The following INTS9 variants were observed in gnomAD, a reference collection of about 807,000 sequenced individuals.
The protein encoded by INTS9 is integrator complex subunit 9, also known as protein related to CPSF subunits of 74 kDa.
A neutral mutation model predicts 79.7 loss-of-function variants in INTS9; 55 were observed. That is an observed-to-expected ratio of 0.69 (90% CI 0.56 to 0.86). INTS9 has a LOEUF of 0.86. Among genes scored for constraint, INTS9 ranks in the 40% least tolerant of loss-of-function variants. The pLI, the probability that INTS9 is intolerant of heterozygous loss-of-function variation, is 0.00. For synonymous variants in INTS9, 319 were observed against 325.2 expected, an observed-to-expected ratio of 0.98 and a Z score of 0.20; for missense variants, 721 against 831.5, an observed-to-expected ratio of 0.87 and a Z score of 1.64.
intron 2 of INTS9, among the ~76,000 whole-genome samples, chr8:28,857,026 C>T (rs1031497548): frequency 5.3e-5 from 8 of 152,144 alleles, no homozygotes; most frequent in African/African-American, 1.9e-4. Context: ...CCAGTTGCAT[C>T]CATGTCACTG....
At chr8:28,874,609 C>T (rs1809277131) in intron 1 of INTS9, among the ~76,000 whole-genome samples, 1 of 152,100 alleles carries the variant, frequency 6.6e-6, no homozygotes, top group Non-Finnish European at 1.5e-5. Flanking sequence ...AACTCTTAAA[C>T]TTCCTTGAAA....
chr8:28,859,088 G>T (rs1237482234), intron 2 of INTS9, among the ~76,000 whole-genome samples: 1 of 152,152 alleles, frequency 6.6e-6, no homozygotes, highest in Non-Finnish European at 1.5e-5. Flanking sequence ...CTCTGCAAAG[G>T]CTGCTAAATA....
chr8:28,811,757 G>A (rs1805162956), intron 8 of INTS9, among the ~76,000 whole-genome samples: 1 of 152,146 alleles, frequency 6.6e-6, no homozygotes, highest in Admixed American at 6.5e-5. Flanking sequence ...GTTCAAGTGA[G>A]ATCTTCCCAT....
chr8:28,783,739 G>A (rs1291857029), intron 11 of INTS9: 1 of 152,166 alleles, frequency 6.6e-6, no homozygotes, highest in East Asian at 1.9e-4. Flanking sequence ...AGCAAACATC[G>A]AATTCCCACG....
rs1251384285 is a variant in INTS9 at position 28,846,360 on chromosome 8, T to A, written c.261+387A>T. 8.3e-5 allele frequency among the ~76,000 whole-genome samples: 4 copies of A among 47,966 alleles called. No homozygotes were observed. The East Asian group carries it at 1.8e-3, about 22-fold the overall frequency. The allele number at this position is 47,966 out of a possible 152,430, so 31.5% of individuals were successfully genotyped here. A position where few individuals can be genotyped will look rare whatever the true frequency, so the allele number is the denominator to read the frequency against. On this transcript the variant is annotated intron_variant, in intron 4 of 16. Transcript: ENST00000521022. ...GGTATTTCAAGTCAGCAAGAATTTT[T>A]ACAGTTTACTAGCAATTGTCAATTA... is the stretch of plus-strand genomic sequence containing the variant.
At chr8:28,775,186 TCCCAGGGCTCTGACCCATGATGTGG>T (rs1802793612) in intron 14 of INTS9, among the ~76,000 whole-genome samples, 1 of 152,268 alleles carries the variant, frequency 6.6e-6, no homozygotes, top group African/African-American at 2.4e-5. Flanking sequence ...CATCTCCACT[TCCCAGGGCTCTGACCCATGATGTGG>T]CCCAGGGCTC....
chr8:28,831,344 C>A (rs1377110951), intron 6 of INTS9, among the ~76,000 whole-genome samples: 3 of 152,170 alleles, frequency 2.0e-5, no homozygotes, highest in Non-Finnish European at 2.9e-5. Flanking sequence ...AGATAAACAG[C>A]TAATGCATAT....
intron 8 of INTS9, among the ~76,000 whole-genome samples, chr8:28,799,023 T>A (rs1804368568): frequency 6.6e-6 from 1 of 152,062 alleles, no homozygotes; most frequent in South Asian, 2.1e-4. Context: ...CAGGTCAGGC[T>A]CAGTGGCTCA....
rs956989902 is a variant in INTS9, at chr8:28,870,576, G to T, written c.10-11013C>A. ...GTATGTCGGTTCAGGAGTAAGCTAAGAATTTATTCTAGCATGTTAGAAATA... is the reference window on the plus strand; with the variant it reads ...GTATGTCGGTTCAGGAGTAAGCTAATAATTTATTCTAGCATGTTAGAAATA... On this transcript the variant is annotated intron_variant, in intron 1 of 16. Transcript: ENST00000521022. Among the ~76,000 whole-genome samples, 4 of 152,106 alleles carry T rather than the reference G, an allele frequency of 2.6e-5. 1 individual carries two copies. Among genetic ancestry groups the T allele is most frequent in the South Asian group, 4.1e-4 (2 of 4,824 alleles).
intron 1 of INTS9, among the ~76,000 whole-genome samples, chr8:28,878,264 T>C (rs1809498409): frequency 6.6e-6 from 1 of 152,138 alleles, no homozygotes; most frequent in Non-Finnish European, 1.5e-5. Context: ...ATAACTGAGA[T>C]TCCTTCTGGA....
At chr8:28,833,421 A>G (rs1444076185) in intron 6 of INTS9, among the ~76,000 whole-genome samples, 1 of 152,008 alleles carries the variant, frequency 6.6e-6, no homozygotes, top group Non-Finnish European at 1.5e-5. Flanking sequence ...AGAGATCAAG[A>G]CCGTCCTGGC....
intron 6 of INTS9, among the ~76,000 whole-genome samples, chr8:28,829,660 T>G (rs1333369089): frequency 2.0e-5 from 3 of 152,220 alleles, no homozygotes; most frequent in Non-Finnish European, 4.4e-5. Context: ...GCTTTGAGGC[T>G]GCCTATATAT....
chr8:28,881,024 C>T (rs1177750157), intron 1 of INTS9, among the ~76,000 whole-genome samples: 33 of 151,004 alleles, frequency 2.2e-4, no homozygotes, highest in African/African-American at 7.3e-4. Context: ...GCCTGGCAAC[C>T]GCCCCGTCTG....
In INTS9 at chr8:28,771,054, C is replaced by A; in HGVS notation, c.1590G>T (p.Glu530Asp). 1 of 1,612,234 alleles carries A rather than the reference C, an allele frequency of 6.2e-7. No homozygotes were observed. Among genetic ancestry groups the A allele is most frequent in the Non-Finnish European group, 8.5e-7 (1 of 1,179,194 alleles). ...TTGCCAAGGAGATGCCAGGCTTGAT[C>A]TCCATGGGCACCAGTGAATCTGCGA... ...PELADSLVPM[E>D]IKPGISLATV... Residue 530 changes from glutamate (E) to aspartate (D), a missense_variant, in exon 15 of 17, where the codon GAG becomes GAT. Transcript: ENST00000521022.
chr8:28,874,289 G>GTTTTTTTTTTTTTTTTTTTTTTT (rs780879321), intron 1 of INTS9, among the ~76,000 whole-genome samples: 1 of 142,202 alleles, frequency 7.0e-6, no homozygotes, highest in African/African-American at 2.6e-5. Flanking sequence ...TATTTAAACT[G>GTTTTTTTTTTTTTTTTTTTTTTT]TTTTTTTTTT....
At chr8:28,846,544 A>C (rs1807524992) in intron 4 of INTS9, among the ~76,000 whole-genome samples, 1 of 152,232 alleles carries the variant, frequency 6.6e-6, no homozygotes, top group Non-Finnish European at 1.5e-5. Context: ...AAATAGGAAG[A>C]AGAGAGTGAC....
At chr8:28,843,181 A>T (rs921046931) in intron 4 of INTS9, among the ~76,000 whole-genome samples, 18 of 152,236 alleles carry the variant, frequency 1.2e-4, no homozygotes, top group Non-Finnish European at 2.5e-4. Flanking sequence ...AAAGACTGGC[A>T]ACTGCTGTTT....
chr8:28,830,141 G>A (rs1226546378), intron 6 of INTS9, among the ~76,000 whole-genome samples: 1 of 152,118 alleles, frequency 6.6e-6, no homozygotes, highest in African/African-American at 2.4e-5. Flanking sequence ...GCAAAAAGCA[G>A]CGTTTGTCAA....
At chr8:28,825,194 G>T (rs978210711) in intron 6 of INTS9, among the ~76,000 whole-genome samples, 1 of 152,198 alleles carries the variant, frequency 6.6e-6, no homozygotes, top group Non-Finnish European at 1.5e-5. Flanking sequence ...AGAAAATGAA[G>T]ACCTCTCACT....
Sources: allele counts gnomAD v4.1 joint callset (sites outside exome capture counted in the v4.1 genomes callset), GRCh38; gene constraint gnomAD v4.1.1; transcripts MANE v1.5; gene names NCBI Gene and HGNC (gene_info 2026-07-23, HGNC 2026-07-21).